The following GRIP1 variants were observed in gnomAD, a reference collection of about 807,000 sequenced individuals.
The protein encoded by GRIP1 is glutamate receptor interacting protein 1, also known as glutamate receptor-interacting protein 1.
A neutral mutation model predicts 129.9 loss-of-function variants in GRIP1; 45 were observed. The ratio of observed to expected loss-of-function variants is 0.35; its 90% CI spans 0.27 to 0.44. GRIP1 has a LOEUF of 0.44. GRIP1 is among the 20% of genes least tolerant of loss of function. The pLI is 1.00. For missense variants in GRIP1, 1,196 were observed against 1,396.8 expected (o/e 0.86, Z 2.29); for synonymous variants, 530 against 520.8 (o/e 1.02, Z -0.24).
chr12:66,924,655 A>T (rs2137376063), intron 1 of GRIP1, among the ~76,000 whole-genome samples: 1 of 152,312 alleles, frequency 6.6e-6, no homozygotes, highest in African/African-American at 2.4e-5. Flanking sequence ...TGCCTCACTC[A>T]TAAGAGAAGC....
Position 67,061,267 on chromosome 12 carries a change from A to T in GRIP1, c.58+7783T>A, listed in dbSNP as rs189636091. Among the ~76,000 whole-genome samples, 24 of 152,294 alleles carry T rather than the reference A, an allele frequency of 1.6e-4. No individual in the cohort carries two copies. The East Asian group carries it at 4.4e-3, about 28-fold the overall frequency. On this transcript the variant is annotated intron_variant, in intron 1 of 1. Transcript: ENST00000643019. ...TGCTAATAGGCAAATGTACCTGAAG[A>T]CCCTCTGTCTTTCACAATTTCTGGC...
At chr12:66,721,421 C>T (rs543665826) in intron 1 of GRIP1, among the ~76,000 whole-genome samples, 2 of 152,104 alleles carry the variant, frequency 1.3e-5, no homozygotes, top group South Asian at 2.1e-4. Context: ...ATTACAGGCA[C>T]GTGCCACCAC....
chr12:66,998,794 A>G (rs2135673510), intron 1 of GRIP1, among the ~76,000 whole-genome samples: 1 of 152,274 alleles, frequency 6.6e-6, no homozygotes, highest in African/African-American at 2.4e-5. Context: ...CATTTCAGAA[A>G]CAATACTTCT....
intron 1 of GRIP1, among the ~76,000 whole-genome samples, chr12:66,958,063 T>G (rs1216270372): frequency 2.0e-5 from 3 of 152,222 alleles, no homozygotes; most frequent in Non-Finnish European, 2.9e-5. Flanking sequence ...TTGCTCAAAT[T>G]GCCCCATCTT....
At chr12:66,656,340 T>G (rs566316795) in intron 1 of GRIP1, among the ~76,000 whole-genome samples, 53 of 152,284 alleles carry the variant, frequency 3.5e-4, no homozygotes, top group African/African-American at 1.3e-3. Flanking sequence ...TTGGGAGATT[T>G]CCCATTTTAA....
intron 1 of GRIP1, among the ~76,000 whole-genome samples, chr12:66,685,701 G>A (rs2034759961): frequency 2.0e-5 from 3 of 152,170 alleles, no homozygotes; most frequent in Admixed American, 1.3e-4. Context: ...GAAGAAATTA[G>A]ATTTCTAAAA....
intron 2 of GRIP1, among the ~76,000 whole-genome samples, chr12:66,552,298 T>C (rs746307867): frequency 2.0e-4 from 31 of 152,314 alleles, no homozygotes; most frequent in Non-Finnish European, 3.2e-4. Flanking sequence ...TTTTCTTCCA[T>C]GAATATCTAA....
intron 1 of GRIP1, among the ~76,000 whole-genome samples, chr12:66,973,170 A>G (rs148912496): frequency 1.3e-5 from 2 of 152,284 alleles, no homozygotes; most frequent in Non-Finnish European, 2.9e-5. Flanking sequence ...TGTAATTTTT[A>G]TAAATCTATA....
chr12:66,901,149 T>C (rs1289687886), intron 1 of GRIP1, among the ~76,000 whole-genome samples: 3 of 152,236 alleles, frequency 2.0e-5, no homozygotes, highest in Non-Finnish European at 1.5e-5. Context: ...AACTTTATTA[T>C]ATCAGAGGGA....
At chr12:66,850,796 C>T (rs534699837) in intron 1 of GRIP1, among the ~76,000 whole-genome samples, 140 of 151,686 alleles carry the variant, frequency 9.2e-4, no homozygotes, top group Non-Finnish European at 7.1e-4. Context: ...CATACACACA[C>T]GGCTAATATA....
intron 1 of GRIP1, among the ~76,000 whole-genome samples, chr12:66,787,754 C>G (rs567474867): frequency 6.6e-6 from 1 of 152,282 alleles, no homozygotes; most frequent in African/African-American, 2.4e-5. Context: ...ATGAGAAATA[C>G]ATTTCTGTTG....
At chr12:66,817,201 T>TACAC (rs1566037309) in intron 1 of GRIP1, among the ~76,000 whole-genome samples, 5 of 99,750 alleles carry the variant, frequency 5.0e-5, no homozygotes, top group Non-Finnish European at 1.0e-4. Flanking sequence ...ATTTTCAGTA[T>TACAC]GCACACACAC....
At chr12:66,853,871 A>G (rs1158219857) in intron 1 of GRIP1, among the ~76,000 whole-genome samples, 1 of 152,078 alleles carries the variant, frequency 6.6e-6, no homozygotes, top group African/African-American at 2.4e-5. Flanking sequence ...CCTATCAATG[A>G]ATTTTTCAAA....
At chr12:66,436,745 G>A (rs367564551) in intron 13 of GRIP1, among the ~76,000 whole-genome samples, 8 of 152,110 alleles carry the variant, frequency 5.3e-5, no homozygotes, top group African/African-American at 1.7e-4. Context: ...CACTTTGGGA[G>A]GCTGAGGCAG....
chr12:67,000,062 C>A (rs1043206829), intron 1 of GRIP1, among the ~76,000 whole-genome samples: 1 of 152,134 alleles, frequency 6.6e-6, no homozygotes, highest in South Asian at 2.1e-4. Context: ...TATGACAGCA[C>A]AAATTTCTGT....
At chr12:66,502,015 A>T (rs1364390758) in intron 7 of GRIP1, among the ~76,000 whole-genome samples, 3 of 152,220 alleles carry the variant, frequency 2.0e-5, no homozygotes, top group Non-Finnish European at 4.4e-5. Context: ...GATTTTAGCT[A>T]TAATCACTTT....
chr12:66,465,473 A>C, intron 7 of GRIP1, 51 bp from the exon 8 acceptor site: 1 of 1,477,446 alleles, frequency 6.8e-7, no homozygotes, highest in Non-Finnish European at 9.4e-7. Flanking sequence ...AAATAAGCAA[A>C]GAGACAAAAG....
intron 7 of GRIP1, among the ~76,000 whole-genome samples, chr12:66,490,299 T>C (rs2060070467): frequency 6.6e-6 from 1 of 151,836 alleles, no homozygotes; most frequent in Non-Finnish European, 1.5e-5. Flanking sequence ...CAATGAAACA[T>C]AGTAGAGAAC....
intron 1 of GRIP1, among the ~76,000 whole-genome samples, chr12:66,957,112 G>A (rs982766209): frequency 3.3e-5 from 5 of 152,028 alleles, no homozygotes; most frequent in South Asian, 2.1e-4. Context: ...TCTTTAAAGA[G>A]GTAATTAAAT....
Sources: gnomAD v4.1 joint callset for allele counts (sites outside exome capture counted in the v4.1 genomes callset) on GRCh38, gnomAD v4.1.1 for gene constraint, MANE v1.5 for transcripts, NCBI Gene and HGNC (gene_info 2026-07-23, HGNC 2026-07-21) for gene names.